The following ADGRG3 variants were observed in gnomAD, a reference collection of about 807,000 sequenced individuals.
ADGRG3 encodes the protein adhesion G protein-coupled receptor G3, also known as G protein-coupled receptor 97.
Under a neutral mutation model 54.3 loss-of-function variants are expected in ADGRG3, and 39 were observed. That is an observed-to-expected ratio of 0.72 (90% CI 0.56 to 0.94). The LOEUF (loss-of-function observed/expected upper bound fraction) is 0.94. Ranked by LOEUF, ADGRG3 falls within the 40% of genes least tolerant of loss-of-function variation. The pLI, the probability that ADGRG3 is intolerant of heterozygous loss-of-function variation, is 0.00. For synonymous variants in ADGRG3, 312 were observed against 290.0 expected (o/e 1.08, Z -0.77); for missense variants, 654 against 694.6 (o/e 0.94, Z 0.66).
At chr16:57,680,226 A>G (rs1481902890) in intron 6 of ADGRG3, 39 bp from the exon 7 acceptor site, 1 of 1,172,464 alleles carries the variant, frequency 8.5e-7, no homozygotes, top group Non-Finnish European at 1.2e-6. Context: ...TCCCCTCCCT[A>G]TATTCCCTTT....
At position 57,683,977 on chromosome 16, in the gene ADGRG3, C is replaced by G; in HGVS notation, c.927C>G (p.His309Gln). The G allele has an allele frequency of 6.3e-7, 1 of 1,592,882 alleles. No individual in the cohort carries two copies. The highest frequency in any genetic ancestry group is 8.6e-7 in the Non-Finnish European group (1 of 1,166,718). ...RFKSEDAPKI[H>Q]VALGGSLFLL... ...AGTCAGAAGATGCCCCAAAGATCCA[C>G]GTGGCCCTGGGTGGCAGCCTGTTCC... The change falls in exon 9 of 12, where the codon CAC (histidine) becomes CAG (glutamine). Residue 309 changes from histidine (H) to glutamine (Q), a missense_variant. Transcript: ENST00000333493.
intron 1 of ADGRG3, among the ~76,000 whole-genome samples, chr16:57,672,245 G>C (rs941874405): frequency 6.6e-6 from 1 of 151,902 alleles, no homozygotes; most frequent in Non-Finnish European, 1.5e-5. Context: ...ACGATGTATC[G>C]GCAGGGCTTG....
chr16:57,679,276 C>G lies in ADGRG3; in HGVS notation c.592C>G (p.Leu198Val), dbSNP rs955747338. The change falls in exon 5 of 12, where the codon CTG becomes GTG. Residue 198 changes from leucine to valine, a missense_variant. Physicochemically the swap from Leu to Val is conservative, Grantham distance 32. Coordinates refer to ENST00000333493, the MANE Select transcript of ADGRG3 (RefSeq NM_170776.5). ...GCATGTCACCAAGCTGGCTGAGCCT[C>G]TGGAGATCGTCTTCTCTCACCAGCG... ...QMHVTKLAEP[L>V]EIVFSHQRPP... is the part of the protein sequence containing the mutation. 25 of 1,613,896 alleles carry G rather than the reference C, an allele frequency of 1.5e-5. No individual in the cohort carries two copies. Among genetic ancestry groups the G allele is most frequent in the Non-Finnish European group, 2.0e-5 (24 of 1,179,944 alleles).
At chr16:57,676,141 ATGAG>A in intron 2 of ADGRG3, 55 bp from the exon 3 acceptor site, 1 of 1,526,824 alleles carries the variant, frequency 6.5e-7, no homozygotes, top group Non-Finnish European at 9.1e-7. Context: ...CAGGAGCCTG[ATGAG>A]TGAGTAACTC....
At chr16:57,679,126 G>T (rs1389856846) in intron 4 of ADGRG3, 51 bp from the exon 5 acceptor site, 2 of 1,607,998 alleles carry the variant, frequency 1.2e-6, no homozygotes, top group Admixed American at 3.3e-5. Flanking sequence ...GCGTTGGTGG[G>T]TTGGGATGGC....
At chr16:57,667,012 C>T (rs1441898728), upstream of ADGRG3, among the ~76,000 whole-genome samples, 1 of 152,230 alleles carries the variant, frequency 6.6e-6, no homozygotes, top group Non-Finnish European at 1.5e-5. Context: ...CAGTGGCAGG[C>T]CCAGCCATTC....
In ADGRG3 at chr16:57,676,217, A is replaced by G. The variant is rs2048260973; in HGVS notation, c.224A>G (p.Glu75Gly). 1.2e-6 allele frequency: 2 copies of G among 1,613,886 alleles called. No homozygotes were observed. The highest frequency in any genetic ancestry group is 2.7e-5 in the African/African-American group (2 of 74,878). Residue 75 changes from glutamate (E) to glycine (G), a missense_variant, in exon 3 of 12, where the codon GAG becomes GGG. Physicochemically the swap from Glu to Gly is moderately conservative, Grantham distance 98. Transcript: ENST00000333493. ...ENLQRYWLNY[E>G]AHLMKEGLTQ... ...CTTTGCAGATACTGGCTAAACTACG[A>G]GGCCCATCTGATGAAGGAAGGTTTG...
chr16:57,687,389 C>A (rs2048494581), intron 11 of ADGRG3, among the ~76,000 whole-genome samples: 2 of 152,138 alleles, frequency 1.3e-5, no homozygotes, highest in South Asian at 2.1e-4. Flanking sequence ...GTAGCTGGAA[C>A]TACAGGCACA....
chr16:57,676,918 T>C (rs767544633), intron 3 of ADGRG3, among the ~76,000 whole-genome samples: 13 of 152,212 alleles, frequency 8.5e-5, no homozygotes, highest in Non-Finnish European at 1.5e-4. Flanking sequence ...CTTGGGATAG[T>C]GAGGGCTTAG....
chr16:57,686,208 C>T (rs917579868), intron 11 of ADGRG3, among the ~76,000 whole-genome samples: 3 of 152,154 alleles, frequency 2.0e-5, no homozygotes, highest in Non-Finnish European at 4.4e-5. Context: ...TTAGACAAAG[C>T]ACAACACCAG....
chr16:57,671,865 A>G (rs570888885), intron 1 of ADGRG3, among the ~76,000 whole-genome samples: 31 of 152,318 alleles, frequency 2.0e-4, no homozygotes, highest in African/African-American at 5.5e-4. Flanking sequence ...GTTCTTCAAG[A>G]TATATTGCTA....
chr16:57,671,345 T>G (rs1316397441), intron 1 of ADGRG3, among the ~76,000 whole-genome samples: 5 of 146,798 alleles, frequency 3.4e-5, no homozygotes, highest in African/African-American at 5.1e-5. Flanking sequence ...TTTTTTTTTT[T>G]TTTTTTTTTT....
chr16:57,673,909 G>C, intron 2 of ADGRG3, among the ~76,000 whole-genome samples: 1 of 152,180 alleles, frequency 6.6e-6, no homozygotes, highest in Non-Finnish European at 1.5e-5. Context: ...TGAAAGTAAT[G>C]GGGGATAACT....
intron 1 of ADGRG3, 46 bp from the exon 2 acceptor site, chr16:57,673,275 C>T: frequency 6.4e-7 from 1 of 1,572,902 alleles, no homozygotes. Context: ...ATCCTTGCTG[C>T]CCATCTTCGT....
chr16:57,674,723 C>T (rs549414108), intron 2 of ADGRG3: 44 of 323,070 alleles, frequency 1.4e-4, no homozygotes, highest in African/African-American at 8.5e-4. Context: ...GCGGCTCACA[C>T]AAGTAATCCT....
chr16:57,679,574 C>T (rs1168609327), intron 5 of ADGRG3, among the ~76,000 whole-genome samples: 4 of 152,150 alleles, frequency 2.6e-5, no homozygotes, highest in African/African-American at 9.7e-5. Flanking sequence ...CGCACACATG[C>T]ATGCAGACAG....
At chr16:57,678,455 C>T in intron 4 of ADGRG3, 139 bp downstream of exon 4, 1 of 768,896 alleles carries the variant, frequency 1.3e-6, no homozygotes, top group Admixed American at 2.5e-5. Context: ...TCTAATGCAG[C>T]CCGTGGCCAT....
intron 8 of ADGRG3, among the ~76,000 whole-genome samples, chr16:57,680,883 T>C (rs536546413): frequency 1.3e-5 from 2 of 152,286 alleles, no homozygotes; most frequent in South Asian, 2.1e-4. Context: ...ATAGGGTTCA[T>C]GTAATTGAAA....
chr16:57,679,035 C>A, intron 4 of ADGRG3, 142 bp from the exon 5 acceptor site: 1 of 948,136 alleles, frequency 1.1e-6, no homozygotes, highest in African/African-American at 1.6e-5. Context: ...GCCTGTGACT[C>A]CTTGGCTCCC....
Sources: gnomAD v4.1 joint callset for allele counts (sites outside exome capture counted in the v4.1 genomes callset) on GRCh38, gnomAD v4.1.1 for gene constraint, MANE v1.5 for transcripts, NCBI Gene and HGNC (gene_info 2026-07-23, HGNC 2026-07-21) for gene names.